Variants in RAB2A observed in about 807,000 individuals in gnomAD.
RAB2A encodes the protein RAB2A, member RAS oncogene family.
Under a neutral mutation model 32.5 loss-of-function variants are expected in RAB2A, and 7 were observed. The ratio of observed to expected loss-of-function variants is 0.22; its 90% confidence interval spans 0.12 to 0.40. RAB2A has a LOEUF of 0.40. Among genes scored for constraint, RAB2A ranks in the 10% least tolerant of loss-of-function variants. RAB2A has a pLI of 1.00. For synonymous variants in RAB2A, 79 were observed against 85.2 expected (o/e 0.93, Z 0.40); for missense variants, 108 against 260.7 (o/e 0.41, Z 4.03).
chr8:60,519,478 G>T (rs150345373), intron 1 of RAB2A, among the ~76,000 whole-genome samples: 1 of 152,268 alleles, frequency 6.6e-6, no homozygotes, highest in East Asian at 1.9e-4. Context: ...TCTTATCTGA[G>T]TTTTCCGTAA....
intron 1 of RAB2A, among the ~76,000 whole-genome samples, chr8:60,526,020 C>CATGTAT (rs1211017924): frequency 9.7e-5 from 9 of 92,356 alleles, no homozygotes; most frequent in Non-Finnish European, 2.0e-4. Flanking sequence ...TGTGTGTGTA[C>CATGTAT]ATATATATAT....
intron 1 of RAB2A, among the ~76,000 whole-genome samples, chr8:60,544,061 CAA>C (rs532347157): frequency 0.17 from 15,467 of 93,352 alleles, 791 homozygotes; most frequent in East Asian, 0.27. Context: ...GACTCCGTCT[CAA>C]AAAAAAAAAA....
At chr8:60,517,321 G>A in intron 1 of RAB2A, 68 bp downstream of exon 1, 2 of 1,358,180 alleles carry the variant, frequency 1.5e-6, no homozygotes, top group Non-Finnish European at 1.9e-6. Context: ...GGCAAACGGC[G>A]TCTGGCGGTG....
chr8:60,524,991 G>T (rs2130806100), intron 1 of RAB2A, among the ~76,000 whole-genome samples: 1 of 152,230 alleles, frequency 6.6e-6, no homozygotes, highest in South Asian at 2.1e-4. Flanking sequence ...ACTTTTTATA[G>T]TTCCTACACC....
chr8:60,567,977 G>T (rs1808141116), intron 2 of RAB2A, among the ~76,000 whole-genome samples: 1 of 152,046 alleles, frequency 6.6e-6, no homozygotes, highest in Non-Finnish European at 1.5e-5. Flanking sequence ...ATTAAGTATG[G>T]TGTTTGCTGT....
intron 6 of RAB2A, among the ~76,000 whole-genome samples, chr8:60,604,885 T>C (rs1034566243): frequency 1.3e-5 from 2 of 152,156 alleles, no homozygotes; most frequent in Non-Finnish European, 2.9e-5. Flanking sequence ...GAAAAGTCCA[T>C]TTCAGGAGAG....
chr8:60,617,026 A>G (rs963306681), intron 6 of RAB2A, among the ~76,000 whole-genome samples: 2 of 152,238 alleles, frequency 1.3e-5, no homozygotes, highest in African/African-American at 4.8e-5. Flanking sequence ...GGTCTGTATC[A>G]GTGGTAATGG....
chr8:60,590,268 C>CT lies in RAB2A; in HGVS notation c.363-1583dup, dbSNP rs907551230. Among the ~76,000 whole-genome samples, 38 of 151,656 alleles carry CT rather than the reference C, an allele frequency of 2.5e-4. No homozygotes were observed. The East Asian group carries it at 4.1e-3, about 16-fold the overall frequency. On this transcript the variant is annotated intron_variant, in intron 5 of 7. Transcript: ENST00000262646. ...AGCCACCGCACCCGGCCTATTGTTT[C>CT]TTTTTTTAAAAAAAAATTCTGATTA...
chr8:60,551,088 A>T (rs41420549), intron 1 of RAB2A, among the ~76,000 whole-genome samples: 82,999 of 152,054 alleles, frequency 0.55, 26,088 homozygotes, highest in African/African-American at 0.87. Context: ...CTACCTGGTT[A>T]AATAACACAT....
At position 60,544,979 on chromosome 8, in the gene RAB2A, A is replaced by C. The variant is rs527678990; in HGVS notation, c.47-13873A>C. Among the ~76,000 whole-genome samples the C allele has an allele frequency of 6.6e-5, 10 of 152,256 alleles. No homozygotes were observed. In the South Asian group the frequency reaches 1.0e-3, roughly 16 times the overall value. Reference sequence around the variant, plus strand: ...AGGCTGGTTTTGAACTCCTGAGCTCAAGCAGTCCGCCTGCCACGGCCTCCC... The same window carrying C: ...AGGCTGGTTTTGAACTCCTGAGCTCCAGCAGTCCGCCTGCCACGGCCTCCC... On this transcript the variant is annotated intron_variant, in intron 1 of 7. Coordinates refer to ENST00000262646, the MANE Select transcript of RAB2A (RefSeq NM_002865.3).
chr8:60,591,707 C>A, intron 5 of RAB2A, 151 bp from the exon 6 acceptor site: 1 of 520,552 alleles, frequency 1.9e-6, no homozygotes, highest in Non-Finnish European at 3.5e-6. Flanking sequence ...AAATACTAAC[C>A]CTCATAATAC....
At chr8:60,602,205 G>A (rs540351757) in intron 6 of RAB2A, among the ~76,000 whole-genome samples, 24 of 152,096 alleles carry the variant, frequency 1.6e-4, no homozygotes, top group Middle Eastern at 3.4e-3. Flanking sequence ...TAACTTAATC[G>A]GTACTATCAC....
intron 1 of RAB2A, among the ~76,000 whole-genome samples, chr8:60,551,707 A>G (rs1807849826): frequency 1.3e-5 from 2 of 152,010 alleles, no homozygotes; most frequent in Non-Finnish European, 2.9e-5. Context: ...TTTTTATTTT[A>G]TTTTAGAGAC....
chr8:60,567,267 C>T (rs1302137564), intron 2 of RAB2A, among the ~76,000 whole-genome samples: 3 of 152,060 alleles, frequency 2.0e-5, no homozygotes, highest in Non-Finnish European at 4.4e-5. Flanking sequence ...AGGCACGTAC[C>T]ACCAGACCCA....
chr8:60,581,131 G>C (rs962703885), intron 3 of RAB2A, among the ~76,000 whole-genome samples: 1 of 152,188 alleles, frequency 6.6e-6, no homozygotes, highest in Non-Finnish European at 1.5e-5. Flanking sequence ...TCCCATAACA[G>C]AGACGGCTGC....
intron 1 of RAB2A, among the ~76,000 whole-genome samples, chr8:60,539,183 G>C (rs1807600993): frequency 6.6e-6 from 1 of 152,142 alleles, no homozygotes; most frequent in Admixed American, 6.5e-5. Flanking sequence ...TCAAAATACA[G>C]AAAGGCAAAT....
chr8:60,527,401 C>T (rs1287833545), intron 1 of RAB2A, among the ~76,000 whole-genome samples: 1 of 152,044 alleles, frequency 6.6e-6, no homozygotes, highest in Non-Finnish European at 1.5e-5. Flanking sequence ...AATTGACTCA[C>T]AGTTCTGGAG....
At chr8:60,531,485 T>C (rs1182461791) in intron 1 of RAB2A, among the ~76,000 whole-genome samples, 1 of 152,226 alleles carries the variant, frequency 6.6e-6, no homozygotes, top group African/African-American at 2.4e-5. Context: ...GAAGGTAAGG[T>C]GCCTTGTAAG....
intron 5 of RAB2A, among the ~76,000 whole-genome samples, chr8:60,586,496 AAG>A (rs1420568938): frequency 1.3e-5 from 2 of 152,150 alleles, no homozygotes; most frequent in African/African-American, 4.8e-5. Flanking sequence ...TCAGGAAAGA[AAG>A]GTTGACATCA....
Sources: allele counts gnomAD v4.1 joint callset (sites outside exome capture counted in the v4.1 genomes callset), GRCh38; gene constraint gnomAD v4.1.1; transcripts MANE v1.5; gene names NCBI Gene and HGNC (gene_info 2026-07-23, HGNC 2026-07-21).